Variants in OTOG observed in about 807,000 individuals in gnomAD.
OTOG encodes the protein otogelin.
Under a neutral mutation model 313.8 loss-of-function variants are expected in OTOG, and 296 were observed. That is an observed-to-expected ratio of 0.94 (90% CI 0.86 to 1.04). The LOEUF is 1.04. Ranked by LOEUF, OTOG falls within the 50% of genes least tolerant of loss-of-function variation. The probability of loss-of-function intolerance (pLI) is 0.00; values close to 1 mark genes in which losing one functional copy is unlikely to be tolerated. For missense variants in OTOG, 3,948 were observed against 3,840.1 expected (o/e 1.03, Z -0.74); for synonymous variants, 1,533 against 1,554.9 (o/e 0.99, Z 0.33).
rs1182601265 is a variant in OTOG, at chr11:17,553,231, C to G, written c.385+20C>G. 7.7e-6 allele frequency: 12 copies of G among 1,548,628 alleles called. No individual in the cohort carries two copies. Among genetic ancestry groups the G allele is most frequent in the Non-Finnish European group, 1.0e-5 (12 of 1,145,548 alleles). ...AGATGGGTGGGTCTGGGCTCCACCC[C>G]ACCCCCAGGAAGGGACCTGGGTGCA... On this transcript the variant is annotated intron_variant, in intron 5 of 55. Coordinates refer to ENST00000399397, the MANE Select transcript of OTOG (RefSeq NM_001292063.2).
At chr11:17,582,354 A>T (rs1280548054) in intron 23 of OTOG, among the ~76,000 whole-genome samples, 1 of 152,210 alleles carries the variant, frequency 6.6e-6, no homozygotes, top group Non-Finnish European at 1.5e-5. Flanking sequence ...TGGATTCTTT[A>T]GCTCAGCAAT....
At chr11:17,618,563 T>C in intron 39 of OTOG, among the ~76,000 whole-genome samples, 1 of 152,222 alleles carries the variant, frequency 6.6e-6, no homozygotes, top group South Asian at 2.1e-4. Flanking sequence ...GTTAATTAGG[T>C]CAAATTGGCT....
At chr11:17,573,378 T>G in intron 19 of OTOG, 88 bp downstream of exon 19, 1 of 1,339,584 alleles carries the variant, frequency 7.5e-7, no homozygotes, top group Non-Finnish European at 1.0e-6. Flanking sequence ...TCCACTGGGA[T>G]GCCCTCCAGT....
chr11:17,592,176 C>A (rs1246376385), intron 25 of OTOG, among the ~76,000 whole-genome samples: 1 of 152,088 alleles, frequency 6.6e-6, no homozygotes, highest in African/African-American at 2.4e-5. Context: ...GGATCCCTAC[C>A]CCAGGAGGAA....
chr11:17,611,396 T>C lies in OTOG; in HGVS notation c.6096T>C (p.Thr2032=). Residue 2032 remains threonine (T), a synonymous_variant, in exon 36 of 56, where the codon ACT becomes ACC. Coordinates refer to ENST00000399397, the MANE Select transcript of OTOG (RefSeq NM_001292063.2). ...TGGCGGAGGCTTTGGCAACTACCAC[T>C]GAGGCCAATACATCCACCACCTGTG... is the stretch of plus-strand genomic sequence containing the variant. ...EGLAEALATT[T]EANTSTTCVP... is the part of the protein sequence containing the mutation. The C allele has an allele frequency of 1.3e-6, 2 of 1,536,832 alleles. No individual in the cohort carries two copies. The highest frequency in any genetic ancestry group is 2.0e-5 in the Admixed American group (1 of 50,320).
At chr11:17,559,790 GGAAGGAAAAAAA>G (rs1852139596) in intron 12 of OTOG, 128 bp downstream of exon 12, 3 of 759,692 alleles carry the variant, frequency 3.9e-6, no homozygotes, top group African/African-American at 3.6e-5. Context: ...GAGGGAGGGA[GGAAGGAAAAAAA>G]GAAGGAAAGA....
chr11:17,593,515 A>C, intron 26 of OTOG, 95 bp from the exon 27 acceptor site: 1 of 1,488,370 alleles, frequency 6.7e-7, no homozygotes, highest in Non-Finnish European at 9.1e-7. Flanking sequence ...GGTATGAGGG[A>C]GGCAGAGGCA....
At position 17,594,168 on chromosome 11, in the gene OTOG, T is replaced by A. The variant is rs1412490447; in HGVS notation, c.3408+2T>A. On this transcript the variant is annotated splice_donor_variant, in intron 28 of 55. Coordinates refer to ENST00000399397, the MANE Select transcript of OTOG (RefSeq NM_001292063.2). LOFTEE classifies it high-confidence loss of function. ...GGCAGCAGTTGGGCTGCAGTTGAGG[T>A]AAAGCCTCTCTTCCAGGCTGGCTTA... The A allele has an allele frequency of 6.4e-7, 1 of 1,550,578 alleles. No individual in the cohort carries two copies. The highest frequency in any genetic ancestry group is 8.7e-7 in the Non-Finnish European group (1 of 1,146,996).
intron 23 of OTOG, among the ~76,000 whole-genome samples, chr11:17,581,067 G>C (rs1001601183): frequency 1.3e-5 from 2 of 152,186 alleles, no homozygotes; most frequent in African/African-American, 4.8e-5. Context: ...GGAAGGCCAA[G>C]GAGAAACAAA....
Position 17,558,583 on chromosome 11 carries a change from G to A in OTOG, c.1042G>A (p.Ala348Thr), listed in dbSNP as rs191354103. The change falls in exon 10 of 56, where the codon GCC becomes ACC. Residue 348 changes from alanine (A) to threonine (T), a missense_variant. Coordinates refer to ENST00000399397, the MANE Select transcript of OTOG (RefSeq NM_001292063.2). The part of the protein sequence containing the change: ...CEALLRPPFD[A>T]CHAYVSPLPF... Reference sequence around the variant, plus strand: ...GGCTCTACTGCGGCCCCCCTTTGACGCCTGCCACGCCTACGTCAGCCCTCT... The same window carrying A: ...GGCTCTACTGCGGCCCCCCTTTGACACCTGCCACGCCTACGTCAGCCCTCT... 2.8e-5 allele frequency: 44 copies of A among 1,550,362 alleles called. No homozygotes were observed. The Admixed American group carries it at 5.9e-4, about 21-fold the overall frequency.
chr11:17,622,987 A>G (rs1853900640), intron 39 of OTOG, among the ~76,000 whole-genome samples: 1 of 152,126 alleles, frequency 6.6e-6, no homozygotes, highest in African/African-American at 2.4e-5. Context: ...CCTTTTCTCC[A>G]CATCCTCACC....
chr11:17,638,413 C>A, intron 47 of OTOG, 38 bp from the exon 48 acceptor site: 5 of 1,486,842 alleles, frequency 3.4e-6, no homozygotes, highest in Non-Finnish European at 4.5e-6. Flanking sequence ...CCCCAGGTGC[C>A]TGTGACTGAC....
chr11:17,618,621 T>C (rs576275627), intron 39 of OTOG, among the ~76,000 whole-genome samples: 20 of 152,356 alleles, frequency 1.3e-4, no homozygotes, highest in African/African-American at 4.8e-4. Flanking sequence ...TTCTATCTGT[T>C]TATTCTCAGT....
At chr11:17,590,707 C>T (rs934286406) in intron 24 of OTOG, among the ~76,000 whole-genome samples, 12 of 152,200 alleles carry the variant, frequency 7.9e-5, no homozygotes, top group South Asian at 4.1e-4. Flanking sequence ...CCTGACCGTC[C>T]GTCGCCCCTC....
At chr11:17,577,972 C>T (rs112934860) in intron 22 of OTOG, among the ~76,000 whole-genome samples, 2,216 of 152,280 alleles carry the variant, frequency 0.015, 61 homozygotes, top group African/African-American at 0.051. Flanking sequence ...CTTTCTAGCC[C>T]TGCTCCTGGT....
chr11:17,639,872 A>G (rs115711199), intron 49 of OTOG, among the ~76,000 whole-genome samples: 2,722 of 118,314 alleles, frequency 0.023, 79 homozygotes, highest in African/African-American at 0.094. Flanking sequence ...TGCAATGGTG[A>G]TGGTGGTGGT....
chr11:17,600,874 C>T (rs550928372), intron 31 of OTOG, among the ~76,000 whole-genome samples: 1 of 152,372 alleles, frequency 6.6e-6, no homozygotes, highest in South Asian at 2.1e-4. Context: ...CCCACTCACC[C>T]ATCCTTGCTC....
intron 44 of OTOG, 94 bp from the exon 45 acceptor site, chr11:17,634,750 G>A (rs546543336): frequency 1.3e-4 from 134 of 1,061,708 alleles, no homozygotes; most frequent in Non-Finnish European, 1.6e-4. Context: ...GGGGCCAGGC[G>A]TCCAGGGGTT....
Position 17,586,499 on chromosome 11 carries a change from T to G in OTOG, c.2785T>G (p.Phe929Val). Residue 929 changes from phenylalanine (F) to valine (V), a missense_variant, in exon 24 of 56, where the codon TTC becomes GTC. Physicochemically the swap from Phe to Val is conservative, Grantham distance 50 (BLOSUM62 -1). Transcript: ENST00000399397. The part of the protein sequence containing the change: ...QGLLRHGDAC[F>V]LPEECPCTWK... The stretch of plus-strand genomic sequence containing the variant: ...TCTGCTCAGACACGGGGATGCATGT[T>G]TCCTGCCAGAGGAGTGCCCCTGCAC... 2 of 1,446,408 alleles carry G rather than the reference T, an allele frequency of 1.4e-6. No individual in the cohort carries two copies. The highest frequency in any genetic ancestry group is 2.9e-5 in the African/African-American group (2 of 68,640). 89.6% of individuals were successfully genotyped at this position (1,446,408 alleles called of 1,614,324 possible).
Sources: allele counts gnomAD v4.1 joint callset (sites outside exome capture counted in the v4.1 genomes callset), GRCh38; gene constraint gnomAD v4.1.1; transcripts MANE v1.5; gene names NCBI Gene and HGNC (gene_info 2026-07-23, HGNC 2026-07-21).